NOD2: variants seen among roughly 807,000 people sequenced by gnomAD.
NOD2 encodes nucleotide-binding oligomerization domain-containing protein 2.
NOD2 carries 86 observed loss-of-function variants against 90.9 expected under a neutral mutation model. The ratio of observed to expected loss-of-function variants is 0.95; its 90% CI spans 0.79 to 1.13. The LOEUF is 1.13. Ranked by LOEUF, NOD2 falls within the 50% of genes most tolerant of loss-of-function variation. The pLI, the probability that NOD2 is intolerant of heterozygous loss-of-function variation, is 0.00. For missense variants in NOD2, 1,238 were observed against 1,283.8 expected (o/e 0.96, Z 0.55); for synonymous variants, 581 against 554.6 (o/e 1.05, Z -0.67).
At chr16:50,704,181 T>A (rs918462865) in intron 2 of NOD2, among the ~76,000 whole-genome samples, 2 of 152,224 alleles carry the variant, frequency 1.3e-5, no homozygotes, top group African/African-American at 4.8e-5. Context: ...GAATCTTGAG[T>A]CACTGCTCCA....
At chr16:50,713,354 TGG>T (rs1194436052) in intron 4 of NOD2, 1 of 152,142 alleles carries the variant, frequency 6.6e-6, no homozygotes. Context: ...ACATCTTCTC[TGG>T]GGGCAAAGCA....
intron 7 of NOD2, among the ~76,000 whole-genome samples, chr16:50,720,526 C>T (rs1965006693): frequency 1.3e-5 from 2 of 152,170 alleles, no homozygotes; most frequent in South Asian, 4.1e-4. Context: ...GGAGCTCTTG[C>T]TCCCTGTAGG....
At chr16:50,723,175 A>C (rs1008039010) in intron 8 of NOD2, 126 bp from the exon 9 acceptor site, 2 of 691,624 alleles carry the variant, frequency 2.9e-6, no homozygotes, top group Non-Finnish European at 5.1e-6. Flanking sequence ...AGAGCACCGC[A>C]ATCAATTAGT....
chr16:50,720,840 T>C (rs1965020702), intron 7 of NOD2, among the ~76,000 whole-genome samples: 1 of 151,888 alleles, frequency 6.6e-6, no homozygotes, highest in African/African-American at 2.4e-5. Flanking sequence ...AGTCTCACTC[T>C]GTTGCCCAGG....
In NOD2 at chr16:50,723,290, A is replaced by T. The variant is rs754600912; in HGVS notation, c.2718-11A>T. The stretch of plus-strand genomic sequence containing the variant: ...TGCTCTGACATACTTTTGTTCCATG[A>T]TTACCTCCAGCCTGGTGGGGAACAA... On this transcript the variant is annotated splice_polypyrimidine_tract_variant and intron_variant, in intron 8 of 11. Transcript: ENST00000647318. 1.1e-5 allele frequency: 17 copies of T among 1,613,222 alleles called. No homozygotes were observed. The highest frequency in any genetic ancestry group is 1.4e-5 in the Non-Finnish European group (17 of 1,179,480).
intron 4 of NOD2, among the ~76,000 whole-genome samples, chr16:50,713,933 A>T (rs952140330): frequency 6.6e-6 from 1 of 152,098 alleles, no homozygotes; most frequent in African/African-American, 2.4e-5. Flanking sequence ...ACGGGTAGAG[A>T]AGGGGGAGAG....
intron 10 of NOD2, chr16:50,728,236 G>C: frequency 3.8e-6 from 1 of 261,210 alleles, no homozygotes. Context: ...GTCATTGTCA[G>C]CTTCTGATGG....
At chr16:50,717,333 C>T (rs1376973355) in intron 6 of NOD2, among the ~76,000 whole-genome samples, 1 of 152,164 alleles carries the variant, frequency 6.6e-6, no homozygotes, top group Admixed American at 6.5e-5. Context: ...CTTGCCACCC[C>T]AGCTGTGGCA....
intron 11 of NOD2, among the ~76,000 whole-genome samples, chr16:50,730,534 C>T (rs533909166): frequency 6.6e-6 from 1 of 152,314 alleles, no homozygotes; most frequent in South Asian, 2.1e-4. Context: ...AAGGCTTTCC[C>T]TGGCCTAATG....
intron 4 of NOD2, chr16:50,713,046 G>A (rs1413615438): frequency 6.4e-6 from 1 of 155,226 alleles, no homozygotes; most frequent in African/African-American, 2.4e-5. Flanking sequence ...AAGATGTGAG[G>A]TTTTGCCCTT....
At chr16:50,698,436 G>A (rs1567379607) in intron 1 of NOD2, among the ~76,000 whole-genome samples, 1 of 152,226 alleles carries the variant, frequency 6.6e-6, no homozygotes, top group Non-Finnish European at 1.5e-5. Flanking sequence ...AGAACGCTCG[G>A]AAACAACTTA....
At chr16:50,727,120 A>G (rs1034874969) in intron 10 of NOD2, among the ~76,000 whole-genome samples, 13 of 151,032 alleles carry the variant, frequency 8.6e-5, no homozygotes, top group Admixed American at 7.3e-4. Context: ...AGACTGGACA[A>G]GAGAGAAACT....
chr16:50,717,555 G>C (rs986697335), intron 6 of NOD2, among the ~76,000 whole-genome samples: 1 of 152,112 alleles, frequency 6.6e-6, no homozygotes, highest in Non-Finnish European at 1.5e-5. Flanking sequence ...AGATATTCTT[G>C]CCTCCTGTGA....
At chr16:50,714,144 C>A (rs898043087) in intron 4 of NOD2, among the ~76,000 whole-genome samples, 1 of 152,184 alleles carries the variant, frequency 6.6e-6, no homozygotes, top group Non-Finnish European at 1.5e-5. Flanking sequence ...GTGTGATCCT[C>A]ATAGGCCAGT....
intron 6 of NOD2, among the ~76,000 whole-genome samples, chr16:50,717,880 T>A (rs1176717027): frequency 6.6e-6 from 1 of 152,244 alleles, no homozygotes. Flanking sequence ...TCCTCCGGTA[T>A]GTGCAGGAGA....
chr16:50,698,408 G>T (rs1207028255), intron 1 of NOD2, among the ~76,000 whole-genome samples: 1 of 152,226 alleles, frequency 6.6e-6, no homozygotes, highest in Non-Finnish European at 1.5e-5. Flanking sequence ...GGGAAGTGTT[G>T]ATGGGGGACA....
intron 8 of NOD2, among the ~76,000 whole-genome samples, chr16:50,723,008 C>T (rs1200641317): frequency 1.3e-5 from 2 of 148,608 alleles, no homozygotes; most frequent in Non-Finnish European, 3.0e-5. Context: ...CCCAGTGCAC[C>T]ACATTAAAAA....
chr16:50,711,839 T>G lies in NOD2; in HGVS notation c.1847T>G (p.Leu616Arg). The change falls in exon 4 of 12, where the codon CTC (leucine) becomes CGC (arginine). Residue 616 changes from leucine to arginine, a missense_variant. This residue lies in a region of NOD2 where 667 missense variants were observed against 688.7 expected (regional missense o/e 0.97). Coordinates refer to ENST00000647318, the MANE Select transcript of NOD2 (RefSeq NM_001370466.1). The part of the protein sequence containing the change: ...GRPGNSPMAR[L>R]LPTMCIQASE... ...CCAGGCAACTCACCAATGGCCAGGCTCCTGCCCACGATGTGCATCCAGGCC... is the reference window on the plus strand; with the variant it reads ...CCAGGCAACTCACCAATGGCCAGGCGCCTGCCCACGATGTGCATCCAGGCC... 1 of 1,613,508 alleles carries G rather than the reference T, an allele frequency of 6.2e-7. No homozygotes were observed. The highest frequency in any genetic ancestry group is 8.5e-7 in the Non-Finnish European group (1 of 1,179,480).
At chr16:50,707,993 A>T in intron 3 of NOD2, 33 bp downstream of exon 3, 1 of 1,444,368 alleles carries the variant, frequency 6.9e-7, no homozygotes, top group Non-Finnish European at 9.8e-7. Context: ...TCAGAAAGGG[A>T]AGGGCAGTCA....
Sources: allele counts gnomAD v4.1 joint callset (sites outside exome capture counted in the v4.1 genomes callset), GRCh38; gene constraint gnomAD v4.1.1; regional missense constraint gnomAD v4.1.1; transcripts MANE v1.5; gene names NCBI Gene and HGNC (gene_info 2026-07-23, HGNC 2026-07-21).